The following ST3GAL3 variants were observed in gnomAD, a reference collection of about 807,000 sequenced individuals.
The protein encoded by ST3GAL3 is ST3 beta-galactoside alpha-2,3-sialyltransferase 3.
A neutral mutation model predicts 50.1 loss-of-function variants in ST3GAL3; 21 were observed. The ratio of observed to expected loss-of-function variants is 0.42; its 90% confidence interval spans 0.30 to 0.60. The LOEUF (loss-of-function observed/expected upper bound fraction) is 0.60. ST3GAL3 is among the 20% of genes least tolerant of loss of function. The pLI is 0.19. For synonymous variants in ST3GAL3, 183 were observed against 190.0 expected, an observed-to-expected ratio of 0.96 and a Z score of 0.30; for missense variants, 353 against 489.4, an observed-to-expected ratio of 0.72 and a Z score of 2.63.
intron 4 of ST3GAL3, among the ~76,000 whole-genome samples, chr1:43,827,873 A>G (rs2063030662): frequency 6.6e-6 from 1 of 152,184 alleles, no homozygotes; most frequent in East Asian, 1.9e-4. Flanking sequence ...TCAGAATCAA[A>G]ATTGCAGCAA....
At chr1:43,860,618 A>G (rs2069667827) in intron 5 of ST3GAL3, among the ~76,000 whole-genome samples, 1 of 152,222 alleles carries the variant, frequency 6.6e-6, no homozygotes, top group Non-Finnish European at 1.5e-5. Context: ...AGCATTTGCT[A>G]AAGGAAGAAA....
At chr1:43,840,633 G>A (rs916643693) in intron 5 of ST3GAL3, 6 of 152,098 alleles carry the variant, frequency 3.9e-5, no homozygotes, top group African/African-American at 1.4e-4. Flanking sequence ...AAACTTGCTG[G>A]TTTTTGTGGC....
intron 2 of ST3GAL3, among the ~76,000 whole-genome samples, chr1:43,756,821 CT>C (rs1688298187): frequency 6.6e-6 from 1 of 152,154 alleles, no homozygotes; most frequent in African/African-American, 2.4e-5. Context: ...CAAAAGATTA[CT>C]GTGGGAAATT....
In ST3GAL3 at chr1:43,768,126, TA is replaced by T. The variant is rs540261983; in HGVS notation, c.119-23969del. Among the ~76,000 whole-genome samples the T allele has an allele frequency of 2.8e-3, 420 of 152,268 alleles. 5 individuals carry two copies. The highest frequency in any genetic ancestry group is 9.8e-3 in the African/African-American group (409 of 41,546). ...TACTTTTCCAAGGAGCAAGTTTTTT[TA>T]AAAAAAGATTAATAAAATTGACAAA... On this transcript the variant is annotated intron_variant, in intron 2 of 11. Transcript: ENST00000347631.
intron 2 of ST3GAL3, among the ~76,000 whole-genome samples, chr1:43,786,073 G>A (rs1477256761): frequency 6.6e-6 from 1 of 151,688 alleles, no homozygotes; most frequent in Non-Finnish European, 1.5e-5. Flanking sequence ...ACCCGGTTCA[G>A]GCCACCATCA....
At chr1:43,792,670 A>T (rs34224911) in intron 3 of ST3GAL3, among the ~76,000 whole-genome samples, 40,966 of 152,136 alleles carry the variant, frequency 0.27, 6,258 homozygotes, top group Middle Eastern at 0.36. Flanking sequence ...GCCAAAATGC[A>T]TGTAGGTGGA....
chr1:43,719,881 C>T (rs549491347), intron 1 of ST3GAL3, among the ~76,000 whole-genome samples: 14 of 139,712 alleles, frequency 1.0e-4, no homozygotes, highest in Middle Eastern at 4.1e-3. Context: ...TTCAGTGAGC[C>T]GAGATCATGC....
At chr1:43,862,091 G>T (rs2070129986) in intron 5 of ST3GAL3, among the ~76,000 whole-genome samples, 1 of 151,812 alleles carries the variant, frequency 6.6e-6, no homozygotes, top group African/African-American at 2.4e-5. Context: ...CTTGAACGTT[G>T]TCTGGCATCA....
In ST3GAL3 at chr1:43,744,655, A is replaced by AAAATAAATAAATAAATAAATAAATAAAT. The variant is rs71036638; in HGVS notation, c.118+8283_118+8310dup. On this transcript the variant is annotated intron_variant, in intron 2 of 11. Coordinates refer to ENST00000347631, the MANE Select transcript of ST3GAL3 (RefSeq NM_006279.5). ...GGGACAGAGCGAGACTCCCTCTCAA[A>AAAATAAATAAATAAATAAATAAATAAAT]AAATAAATAAATAAATAAATAAATA... 4.6e-4 allele frequency among the ~76,000 whole-genome samples: 65 copies of AAAATAAATAAATAAATAAATAAATAAAT among 140,962 alleles called. 1 individual carries two copies. The highest frequency in any genetic ancestry group is 8.8e-4 in the South Asian group (4 of 4,532). 92.5% of individuals were successfully genotyped at this position (140,962 alleles called of 152,430 possible). A position where few individuals can be genotyped will look rare whatever the true frequency, so the allele number is the denominator to read the frequency against.
intron 2 of ST3GAL3, among the ~76,000 whole-genome samples, chr1:43,791,736 A>G (rs989644033): frequency 6.6e-6 from 1 of 152,250 alleles, no homozygotes; most frequent in Non-Finnish European, 1.5e-5. Flanking sequence ...CAAAGGGGAA[A>G]TGTTAGTGCC....
intron 1 of ST3GAL3, among the ~76,000 whole-genome samples, chr1:43,735,789 G>T (rs1678139512): frequency 6.6e-6 from 1 of 152,240 alleles, no homozygotes; most frequent in Non-Finnish European, 1.5e-5. Context: ...ATGCAAAGGG[G>T]TTTAAGCAGG....
chr1:43,920,481 A>T lies in ST3GAL3; in HGVS notation c.822A>T (p.Pro274=), dbSNP rs199852949. 3 of 1,613,922 alleles carry T rather than the reference A, an allele frequency of 1.9e-6. No individual in the cohort carries two copies. The South Asian group carries it at 3.3e-5, about 18-fold the overall frequency. ...KEPPEIRILN[P]YFIQEAAFTL... ...CCCCTGAGATTCGAATCCTCAACCC[A>T]TATTTCATCCAGGAGGCCGCCTTCA... The change falls in exon 10 of 12, where the codon CCA becomes CCT. Residue 274 remains proline (P), a synonymous_variant. Transcript: ENST00000347631.
At chr1:43,926,224 G>C (rs901098143) in intron 11 of ST3GAL3, among the ~76,000 whole-genome samples, 1 of 152,192 alleles carries the variant, frequency 6.6e-6, no homozygotes, top group African/African-American at 2.4e-5. Context: ...AGGACAGAGA[G>C]TGAGAAGCGC....
chr1:43,838,459 A>T, intron 5 of ST3GAL3, 148 bp downstream of exon 5: 1 of 746,340 alleles, frequency 1.3e-6, no homozygotes, highest in Non-Finnish European at 2.4e-6. Flanking sequence ...GTTGGTTCCT[A>T]CTCCAGTCCT....
intron 4 of ST3GAL3, chr1:43,824,723 C>T (rs767895510): frequency 1.2e-6 from 2 of 1,613,904 alleles, no homozygotes; most frequent in African/African-American, 2.7e-5. Context: ...CAAATTCCCA[C>T]TTTGCAGCTC....
intron 11 of ST3GAL3, among the ~76,000 whole-genome samples, chr1:43,928,403 A>G (rs2084403001): frequency 6.6e-6 from 1 of 151,766 alleles, no homozygotes; most frequent in Non-Finnish European, 1.5e-5. Flanking sequence ...GATAGAGACC[A>G]TCCTGGCCAA....
chr1:43,873,155 C>T (rs2073354238), intron 5 of ST3GAL3, among the ~76,000 whole-genome samples: 1 of 152,164 alleles, frequency 6.6e-6, no homozygotes, highest in South Asian at 2.1e-4. Flanking sequence ...TGTTGCAAGG[C>T]AGTCCGATTG....
intron 5 of ST3GAL3, among the ~76,000 whole-genome samples, chr1:43,893,427 C>T (rs2076929569): frequency 6.6e-6 from 1 of 152,200 alleles, no homozygotes; most frequent in South Asian, 2.1e-4. Context: ...CTGCCAGGTT[C>T]CCTGAAAAGG....
chr1:43,838,379 CCT>C, intron 5 of ST3GAL3, 68 bp downstream of exon 5: 1 of 1,355,858 alleles, frequency 7.4e-7, no homozygotes, highest in Non-Finnish European at 1.1e-6. Context: ...AGAAACTCTG[CCT>C]CTCACAGCCA....
Sources: gnomAD v4.1 joint callset for allele counts (sites outside exome capture counted in the v4.1 genomes callset) on GRCh38, gnomAD v4.1.1 for gene constraint, MANE v1.5 for transcripts, NCBI Gene and HGNC (gene_info 2026-07-23, HGNC 2026-07-21) for gene names.